Variants in CCDC170 observed in about 807,000 individuals in gnomAD.
The protein encoded by CCDC170 is coiled-coil domain-containing protein 170.
A neutral mutation model predicts 72.6 loss-of-function variants in CCDC170; 69 were observed. The observed-to-expected ratio is 0.95, with a 90% CI of 0.78 to 1.16. The LOEUF (loss-of-function observed/expected upper bound fraction) is 1.16, where lower values mean the gene tolerates loss of function less well. Among genes scored for constraint, CCDC170 ranks in the 50% most tolerant of loss-of-function variants. The pLI, the probability that CCDC170 is intolerant of heterozygous loss-of-function variation, is 0.00. For missense variants in CCDC170, 852 were observed against 832.5 expected (o/e 1.02, Z -0.29); for synonymous variants, 300 against 303.9 (o/e 0.99, Z 0.13).
chr6:151,566,331 T>C lies in CCDC170; in HGVS notation c.775-6843T>C, dbSNP rs143100727. Among the ~76,000 whole-genome samples the C allele has an allele frequency of 1.1e-3, 166 of 152,324 alleles. No individual in the cohort carries two copies. The East Asian group carries it at 0.019, about 18-fold the overall frequency. On this transcript the variant is annotated intron_variant, in intron 5 of 10. Transcript: ENST00000239374. ...GTTCCAGTTCTTTTAACATTTCCTC[T>C]TAGAACATGATTTCAAGACTTTTGC... is the stretch of plus-strand genomic sequence containing the variant.
intron 5 of CCDC170, among the ~76,000 whole-genome samples, chr6:151,552,895 T>A (rs1562280071): frequency 1.4e-5 from 2 of 145,562 alleles, no homozygotes; most frequent in South Asian, 2.3e-4. Flanking sequence ...CAAGTGATTC[T>A]CCTGCCTCAG....
At chr6:151,526,437 G>T (rs979960754) in intron 1 of CCDC170, among the ~76,000 whole-genome samples, 1 of 151,182 alleles carries the variant, frequency 6.6e-6, no homozygotes, top group South Asian at 2.1e-4. Flanking sequence ...GGCCAGGATG[G>T]TCTCAATCTC....
chr6:151,525,585 CT>C (rs1782392315), intron 1 of CCDC170, among the ~76,000 whole-genome samples: 2 of 152,350 alleles, frequency 1.3e-5, no homozygotes, highest in East Asian at 1.9e-4. Flanking sequence ...GATCCACCCC[CT>C]GACCACAAAA....
At chr6:151,598,212 T>A (rs1343601088) in intron 9 of CCDC170, among the ~76,000 whole-genome samples, 1 of 152,134 alleles carries the variant, frequency 6.6e-6, no homozygotes, top group African/African-American at 2.4e-5. Flanking sequence ...CAACAGTCCC[T>A]TTGCAACTTG....
At chr6:151,582,279 T>G (rs1308712919) in intron 6 of CCDC170, among the ~76,000 whole-genome samples, 1 of 152,262 alleles carries the variant, frequency 6.6e-6, no homozygotes. Context: ...TACCCCAGCT[T>G]CTACATCAGC....
chr6:151,498,715 C>A (rs536494081), intron 1 of CCDC170, among the ~76,000 whole-genome samples: 1 of 152,026 alleles, frequency 6.6e-6, no homozygotes, highest in East Asian at 1.9e-4. Context: ...TTTGACTATT[C>A]TAGGCACGGT....
chr6:151,513,415 G>A (rs1023800566), intron 1 of CCDC170, among the ~76,000 whole-genome samples: 3 of 152,038 alleles, frequency 2.0e-5, no homozygotes, highest in Admixed American at 6.6e-5. Flanking sequence ...TTCAAGAACA[G>A]CCTGGCCAAC....
At chr6:151,495,732 G>A (rs1781899679) in intron 1 of CCDC170, among the ~76,000 whole-genome samples, 1 of 152,136 alleles carries the variant, frequency 6.6e-6, no homozygotes, top group African/African-American at 2.4e-5. Context: ...CTGAGCTCAA[G>A]CGATCCACCT....
chr6:151,544,443 G>C (rs1024751029), intron 3 of CCDC170, 129 bp from the exon 4 acceptor site: 54 of 915,052 alleles, frequency 5.9e-5, no homozygotes, highest in Middle Eastern at 3.3e-4. Flanking sequence ...AATTTGCTCT[G>C]TGTCTGGGAA....
intron 1 of CCDC170, among the ~76,000 whole-genome samples, chr6:151,525,819 A>T (rs1048022314): frequency 6.6e-6 from 1 of 152,248 alleles, no homozygotes; most frequent in African/African-American, 2.4e-5. Context: ...ATGAACATGC[A>T]TATAAAATTA....
intron 1 of CCDC170, among the ~76,000 whole-genome samples, chr6:151,503,431 G>A (rs1562821208): frequency 6.6e-6 from 1 of 151,972 alleles, no homozygotes; most frequent in Non-Finnish European, 1.5e-5. Context: ...GTGGGAATGA[G>A]CTTGATGTGT....
chr6:151,509,463 T>C (rs11965449), intron 1 of CCDC170, among the ~76,000 whole-genome samples: 25,663 of 152,118 alleles, frequency 0.17, 2,498 homozygotes, highest in East Asian at 0.39. Context: ...AAATAGGACC[T>C]GAAGTTAATT....
chr6:151,607,041 T>TA (rs900493795), intron 9 of CCDC170, among the ~76,000 whole-genome samples: 4 of 152,144 alleles, frequency 2.6e-5, no homozygotes, highest in African/African-American at 7.2e-5. Context: ...GTTGAGTTTT[T>TA]AAAAAAAATC....
intron 5 of CCDC170, among the ~76,000 whole-genome samples, chr6:151,570,102 C>G (rs1776197361): frequency 6.6e-6 from 1 of 152,154 alleles, no homozygotes; most frequent in Admixed American, 6.5e-5. Flanking sequence ...AAAAATTCCT[C>G]ATAGTTGAAA....
intron 6 of CCDC170, among the ~76,000 whole-genome samples, chr6:151,578,973 C>A (rs1330694376): frequency 6.6e-6 from 1 of 151,900 alleles, no homozygotes; most frequent in Non-Finnish European, 1.5e-5. Flanking sequence ...TCTTTTAGGG[C>A]ATTATGACTT....
At chr6:151,607,189 C>A (rs1752512896) in intron 9 of CCDC170, among the ~76,000 whole-genome samples, 1 of 152,082 alleles carries the variant, frequency 6.6e-6, no homozygotes, top group South Asian at 2.1e-4. Flanking sequence ...AAAATATCCC[C>A]TACTAAGTGT....
intron 6 of CCDC170, among the ~76,000 whole-genome samples, chr6:151,577,566 A>G (rs542665220): frequency 6.6e-5 from 10 of 152,142 alleles, no homozygotes; most frequent in South Asian, 6.2e-4. Flanking sequence ...CTTTAGGTAC[A>G]CCTAAGGCTT....
intron 6 of CCDC170, among the ~76,000 whole-genome samples, chr6:151,582,105 C>G (rs1162962495): frequency 6.6e-6 from 1 of 152,248 alleles, no homozygotes; most frequent in Non-Finnish European, 1.5e-5. Flanking sequence ...GAGAGTCAGC[C>G]TGTTCTCTGA....
chr6:151,580,291 G>A (rs1185348595), intron 6 of CCDC170, among the ~76,000 whole-genome samples: 1 of 152,018 alleles, frequency 6.6e-6, no homozygotes, highest in Non-Finnish European at 1.5e-5. Context: ...GGGTCTTCAG[G>A]TAGAAATACT....
Sources: allele counts gnomAD v4.1 joint callset (sites outside exome capture counted in the v4.1 genomes callset), GRCh38; gene constraint gnomAD v4.1.1; transcripts MANE v1.5; gene names NCBI Gene and HGNC (gene_info 2026-07-23, HGNC 2026-07-21).